PAX5: variants seen among roughly 807,000 people sequenced by gnomAD.
PAX5 encodes the protein paired box protein Pax-5.
In PAX5, 9 loss-of-function variants were observed where a neutral mutation model predicts 43.7. That is an observed-to-expected ratio of 0.21 (90% confidence interval 0.12 to 0.36). PAX5 has a LOEUF of 0.36. Ranked by LOEUF, PAX5 falls within the 10% of genes least tolerant of loss-of-function variation. The probability of loss-of-function intolerance (pLI) is 1.00; values close to 1 mark genes in which losing one functional copy is unlikely to be tolerated. For synonymous variants in PAX5, 228 were observed against 214.3 expected (o/e 1.06, Z -0.56); for missense variants, 383 against 532.7 (o/e 0.72, Z 2.77).
intron 6 of PAX5, among the ~76,000 whole-genome samples, chr9:36,936,870 A>G (rs1831604596): frequency 6.6e-6 from 1 of 151,420 alleles, no homozygotes; most frequent in Non-Finnish European, 1.5e-5. Flanking sequence ...ACACACACAC[A>G]CACTCCTCAG....
intron 5 of PAX5, among the ~76,000 whole-genome samples, chr9:37,001,824 T>TTTC (rs1837882416): frequency 7.9e-6 from 1 of 127,144 alleles, no homozygotes; most frequent in African/African-American, 2.8e-5. Context: ...TTTTTTTTTT[T>TTTC]TTTTTTTTTT....
chr9:36,887,289 G>C (rs898955257), intron 7 of PAX5, among the ~76,000 whole-genome samples: 2 of 152,008 alleles, frequency 1.3e-5, no homozygotes, highest in Non-Finnish European at 2.9e-5. Context: ...TTAAACAAAG[G>C]CTCAAAAGAT....
chr9:36,890,120 A>C (rs1237863421), intron 7 of PAX5, among the ~76,000 whole-genome samples: 2 of 152,152 alleles, frequency 1.3e-5, no homozygotes, highest in Non-Finnish European at 1.5e-5. Context: ...TGCAGAATTC[A>C]TTACCCTGAC....
At chr9:36,950,735 C>CTTTTTT (rs55801947) in intron 6 of PAX5, among the ~76,000 whole-genome samples, 15 of 116,670 alleles carry the variant, frequency 1.3e-4, no homozygotes, top group Non-Finnish European at 1.3e-4. Flanking sequence ...ACTGAGTTTT[C>CTTTTTT]TTTTTTTTTT....
intron 5 of PAX5, among the ~76,000 whole-genome samples, chr9:36,999,236 C>G (rs7030665): frequency 0.22 from 33,521 of 152,144 alleles, 3,859 homozygotes; most frequent in Admixed American, 0.31. Flanking sequence ...ACCAGAGTCC[C>G]AGACTTGGCA....
intron 2 of PAX5, among the ~76,000 whole-genome samples, chr9:37,020,314 A>C (rs1019426224): frequency 1.3e-5 from 2 of 152,188 alleles, no homozygotes; most frequent in African/African-American, 2.4e-5. Flanking sequence ...ATTAAGTCCT[A>C]CGCGGGGACC....
chr9:36,921,387 C>T (rs1215145077), intron 7 of PAX5, among the ~76,000 whole-genome samples: 2 of 152,186 alleles, frequency 1.3e-5, no homozygotes, highest in Non-Finnish European at 2.9e-5. Context: ...GAAACGGAGG[C>T]TCAGAGATGT....
chr9:36,959,478 C>T (rs1240716689), intron 6 of PAX5, among the ~76,000 whole-genome samples: 2 of 152,194 alleles, frequency 1.3e-5, no homozygotes, highest in African/African-American at 4.8e-5. Context: ...AGTCATTCTT[C>T]CTAGGTAAGA....
At chr9:36,891,126 G>A (rs983993917) in intron 7 of PAX5, among the ~76,000 whole-genome samples, 2 of 152,084 alleles carry the variant, frequency 1.3e-5, no homozygotes, top group Non-Finnish European at 2.9e-5. Flanking sequence ...GCGACAGAGC[G>A]CAACTTCATC....
Position 36,840,611 on chromosome 9 carries a change from G to A in PAX5, c.1125C>T (p.Ala375=), listed in dbSNP as rs371549995. The A allele has an allele frequency of 2.5e-5, 40 of 1,578,842 alleles. No individual in the cohort carries two copies. The highest frequency in any genetic ancestry group is 1.9e-4 in the African/African-American group (14 of 74,796). Residue 375 remains alanine, a synonymous_variant, in exon 10 of 10, where the codon GCC becomes GCT. Transcript: ENST00000358127. ...CTGCAGGTGGGGCGGCTCCTCGGGC[G>A]GCAGCGCTATAATAGTAGGGGGAGC... ...LLGSPYYYSA[A]ARGAAPPAAA...
intron 8 of PAX5, among the ~76,000 whole-genome samples, chr9:36,874,126 A>G (rs574688547): frequency 6.6e-6 from 1 of 152,276 alleles, no homozygotes; most frequent in South Asian, 2.1e-4. Flanking sequence ...CAGAACCTCA[A>G]TACCCTTCCT....
intron 8 of PAX5, among the ~76,000 whole-genome samples, chr9:36,859,867 T>C (rs954965294): frequency 6.6e-6 from 1 of 151,880 alleles, no homozygotes; most frequent in African/African-American, 2.4e-5. Flanking sequence ...ACCCCACCTC[T>C]ACTAAAAATA....
intron 6 of PAX5, among the ~76,000 whole-genome samples, chr9:36,941,848 C>T (rs967563586): frequency 1.3e-5 from 2 of 152,162 alleles, no homozygotes; most frequent in Non-Finnish European, 2.9e-5. Flanking sequence ...ACATGAGACT[C>T]ACACCAGGCT....
At chr9:36,873,867 G>C (rs765989635) in intron 8 of PAX5, among the ~76,000 whole-genome samples, 2 of 152,206 alleles carry the variant, frequency 1.3e-5, no homozygotes, top group African/African-American at 2.4e-5. Context: ...ACTACTCCCG[G>C]CCATGCCTAT....
intron 9 of PAX5, among the ~76,000 whole-genome samples, chr9:36,841,409 A>G (rs1420560479): frequency 6.6e-6 from 1 of 152,046 alleles, no homozygotes; most frequent in Non-Finnish European, 1.5e-5. Context: ...CTTGGCCTGC[A>G]CCCTCACCCC....
intron 7 of PAX5, among the ~76,000 whole-genome samples, chr9:36,918,971 A>T (rs949924863): frequency 6.6e-6 from 1 of 152,246 alleles, no homozygotes; most frequent in Non-Finnish European, 1.5e-5. Context: ...TACTGAAAAA[A>T]GATGCCATCT....
rs138009049 is a variant in PAX5, at chr9:36,952,234, C to CTTTTTTTTTTTTTTT, written c.780+14300_780+14314dup. Among the ~76,000 whole-genome samples the CTTTTTTTTTTTTTTT allele has an allele frequency of 7.5e-5, 5 of 66,626 alleles. 1 individual carries two copies. The highest frequency in any genetic ancestry group is 7.2e-4 in the South Asian group (1 of 1,382). 43.7% of individuals were successfully genotyped at this position (66,626 alleles called of 152,430 possible). On this transcript the variant is annotated intron_variant, in intron 6 of 9. Coordinates refer to ENST00000358127, the MANE Select transcript of PAX5 (RefSeq NM_016734.3). ...TTTTTAATATGCTCTGACCATCTCC[C>CTTTTTTTTTTTTTTT]TTTTTTTTTTTTTTTTTTTTTTTGA...
At chr9:36,955,460 G>A (rs1349884103) in intron 6 of PAX5, among the ~76,000 whole-genome samples, 1 of 151,890 alleles carries the variant, frequency 6.6e-6, no homozygotes, top group African/African-American at 2.4e-5. Flanking sequence ...GTCCCATGTA[G>A]AATCAAGTTT....
intron 8 of PAX5, chr9:36,861,312 T>C (rs1824193142): frequency 6.6e-6 from 1 of 151,458 alleles, no homozygotes; most frequent in African/African-American, 2.4e-5. Flanking sequence ...AGATACTGAT[T>C]GAGGGCCTAC....
Sources: gnomAD v4.1 joint callset for allele counts (sites outside exome capture counted in the v4.1 genomes callset) on GRCh38, gnomAD v4.1.1 for gene constraint, MANE v1.5 for transcripts, NCBI Gene and HGNC (gene_info 2026-07-23, HGNC 2026-07-21) for gene names.